Variants in PRKCA observed in about 807,000 individuals in gnomAD.
PRKCA encodes protein kinase C alpha type.
A neutral mutation model predicts 87.0 loss-of-function variants in PRKCA; 27 were observed. The observed-to-expected ratio is 0.31, with a 90% CI of 0.23 to 0.43. The LOEUF (loss-of-function observed/expected upper bound fraction) is 0.43, where lower values mean the gene tolerates loss of function less well. PRKCA is among the 20% of genes least tolerant of loss of function. PRKCA has a pLI of 1.00. For synonymous variants in PRKCA, 329 were observed against 311.1 expected (o/e 1.06, Z -0.61); for missense variants, 518 against 852.3 (o/e 0.61, Z 4.88).
At chr17:66,481,912 C>A (rs2144054547) in intron 2 of PRKCA, among the ~76,000 whole-genome samples, 1 of 151,838 alleles carries the variant, frequency 6.6e-6, no homozygotes, top group Admixed American at 6.6e-5. Flanking sequence ...ACTAGCCTGG[C>A]CAACATGGTG....
intron 5 of PRKCA, among the ~76,000 whole-genome samples, chr17:66,686,050 A>T (rs1972618393): frequency 6.6e-6 from 1 of 152,148 alleles, no homozygotes; most frequent in African/African-American, 2.4e-5. Context: ...CCAGTTGGGT[A>T]TCTGATAATT....
chr17:66,678,907 T>G (rs1389695389), intron 5 of PRKCA, among the ~76,000 whole-genome samples: 1 of 152,198 alleles, frequency 6.6e-6, no homozygotes, highest in Non-Finnish European at 1.5e-5. Context: ...CTCTATGCTT[T>G]CCATGTGCTG....
rs569835511 is a variant in PRKCA, at chr17:66,735,761, G to C, written c.1230+99G>C. On this transcript the variant is annotated intron_variant, in intron 10 of 16. Coordinates refer to ENST00000413366, the MANE Select transcript of PRKCA (RefSeq NM_002737.3). ...ATCCTTGTTCCTTTGGAGAAGGCTGGAGAAAGGTGTGTTGTGATGTCAAGC... is the reference window on the plus strand; with the variant it reads ...ATCCTTGTTCCTTTGGAGAAGGCTGCAGAAAGGTGTGTTGTGATGTCAAGC... 48 of 1,391,860 alleles carry C rather than the reference G, an allele frequency of 3.4e-5. No individual in the cohort carries two copies. In the Admixed American group the frequency reaches 6.8e-4, roughly 20 times the overall value. The allele number at this position is 1,391,860 out of a possible 1,614,324, so 86.2% of individuals were successfully genotyped here.
intron 2 of PRKCA, among the ~76,000 whole-genome samples, chr17:66,437,651 A>G (rs1360086911): frequency 6.6e-6 from 1 of 150,744 alleles, no homozygotes; most frequent in Non-Finnish European, 1.5e-5. Context: ...TAGGAACAGG[A>G]AACCCTAGAG....
chr17:66,305,913 TC>T (rs966423705), intron 1 of PRKCA, among the ~76,000 whole-genome samples, 182 bp from the exon 2 acceptor site: 1 of 152,152 alleles, frequency 6.6e-6, no homozygotes, highest in Non-Finnish European at 1.5e-5. Context: ...AAGATTTTTT[TC>T]CCCCCAAGGT....
chr17:66,438,006 G>A (rs1419915058), intron 2 of PRKCA, among the ~76,000 whole-genome samples: 1 of 151,558 alleles, frequency 6.6e-6, no homozygotes, highest in African/African-American at 2.4e-5. Flanking sequence ...TATACAGTCT[G>A]GTGGGGTTTG....
At chr17:66,544,037 C>A (rs1246542281) in intron 3 of PRKCA, among the ~76,000 whole-genome samples, 2 of 152,044 alleles carry the variant, frequency 1.3e-5, no homozygotes, top group African/African-American at 4.8e-5. Context: ...CTTGGTGAAA[C>A]CCTGACTGTA....
At chr17:66,577,576 C>G (rs1000847256) in intron 3 of PRKCA, among the ~76,000 whole-genome samples, 5 of 152,186 alleles carry the variant, frequency 3.3e-5, no homozygotes, top group African/African-American at 9.7e-5. Context: ...TGCTTCAGAC[C>G]TAGAGCTCAG....
At chr17:66,779,401 T>TGCCTGCAAGTGTTCTCGGTGATCC (rs1270676147) in intron 14 of PRKCA, among the ~76,000 whole-genome samples, 1 of 152,016 alleles carries the variant, frequency 6.6e-6, no homozygotes, top group African/African-American at 2.4e-5. Context: ...GAGCACCTTG[T>TGCCTGCAAGTGTTCTCGGTGATCC]GCCTGCAAGT....
At chr17:66,692,397 T>C (rs1051620517) in intron 8 of PRKCA, among the ~76,000 whole-genome samples, 1 of 152,234 alleles carries the variant, frequency 6.6e-6, no homozygotes, top group African/African-American at 2.4e-5. Flanking sequence ...CCATGCTTCA[T>C]TTTAAATACA....
At chr17:66,622,209 T>C (rs1970706096) in intron 3 of PRKCA, among the ~76,000 whole-genome samples, 1 of 152,182 alleles carries the variant, frequency 6.6e-6, no homozygotes, top group South Asian at 2.1e-4. Flanking sequence ...ATAAAATAGG[T>C]TGACTAACAG....
At chr17:66,591,374 G>A (rs1270940218) in intron 3 of PRKCA, among the ~76,000 whole-genome samples, 1 of 151,648 alleles carries the variant, frequency 6.6e-6, no homozygotes, top group Non-Finnish European at 1.5e-5. Context: ...GCCCAGGCTG[G>A]TCTTGAACTC....
intron 16 of PRKCA, among the ~76,000 whole-genome samples, chr17:66,790,033 G>C (rs1422819864): frequency 6.6e-6 from 1 of 152,214 alleles, no homozygotes; most frequent in Non-Finnish European, 1.5e-5. Flanking sequence ...ACTGCAGAGA[G>C]CTGCTTTATG....
chr17:66,330,059 C>T (rs953197720), intron 2 of PRKCA, among the ~76,000 whole-genome samples: 5 of 151,358 alleles, frequency 3.3e-5, no homozygotes, highest in African/African-American at 9.7e-5. Context: ...CTGTTGGGTA[C>T]TAATAACAGA....
At chr17:66,344,509 C>CA (rs1907239406) in intron 2 of PRKCA, among the ~76,000 whole-genome samples, 1 of 151,642 alleles carries the variant, frequency 6.6e-6, no homozygotes, top group Non-Finnish European at 1.5e-5. Context: ...AAAAAACAAA[C>CA]AACAACAACA....
intron 16 of PRKCA, among the ~76,000 whole-genome samples, chr17:66,791,488 G>A (rs4791038): frequency 0.13 from 19,680 of 152,176 alleles, 2,330 homozygotes; most frequent in African/African-American, 0.31. Flanking sequence ...ACCCGTAGAC[G>A]CTGTGTTCAA....
At chr17:66,679,505 C>T (rs1972434036) in intron 5 of PRKCA, among the ~76,000 whole-genome samples, 1 of 152,168 alleles carries the variant, frequency 6.6e-6, no homozygotes, top group Admixed American at 6.5e-5. Context: ...AAATCAGGTG[C>T]AGCACCTTTA....
intron 2 of PRKCA, among the ~76,000 whole-genome samples, chr17:66,367,105 G>A (rs561464894): frequency 1.1e-3 from 172 of 152,328 alleles, no homozygotes; most frequent in African/African-American, 4.0e-3. Flanking sequence ...CAAAAGCAAG[G>A]CATTTATAAC....
chr17:66,745,578 T>G (rs7225142), intron 13 of PRKCA, among the ~76,000 whole-genome samples: 34,324 of 152,006 alleles, frequency 0.23, 4,340 homozygotes, highest in Middle Eastern at 0.33. Flanking sequence ...CTGCTCAGGA[T>G]GCTGAGGCAG....
Sources: allele counts gnomAD v4.1 joint callset (sites outside exome capture counted in the v4.1 genomes callset), GRCh38; gene constraint gnomAD v4.1.1; transcripts MANE v1.5; gene names NCBI Gene and HGNC (gene_info 2026-07-23, HGNC 2026-07-21).